Variants in SLC36A1 observed in about 807,000 individuals in gnomAD.
SLC36A1 encodes solute carrier family 36 member 1.
SLC36A1 carries 30 observed loss-of-function variants against 47.5 expected under a neutral mutation model. That is an observed-to-expected ratio of 0.63 (90% CI 0.47 to 0.86). The LOEUF (loss-of-function observed/expected upper bound fraction) is 0.86, where lower values mean the gene tolerates loss of function less well. Among genes scored for constraint, SLC36A1 ranks in the 40% least tolerant of loss-of-function variants. SLC36A1 has a pLI of 0.00. For missense variants in SLC36A1, 517 were observed against 606.0 expected, an observed-to-expected ratio of 0.85 and a Z score of 1.54; for synonymous variants, 255 against 249.7, an observed-to-expected ratio of 1.02 and a Z score of -0.20.
At chr5:151,522,058 G>A in the SLC36A1 span, 11 of 1,598,006 alleles carry the variant, frequency 6.9e-6, no homozygotes, top group South Asian at 1.1e-5. Flanking sequence ...CGTCAAAGAC[G>A]AGAGGGGAGG....
At chr5:151,511,950 C>G in the SLC36A1 span, 9 of 578,218 alleles carry the variant, frequency 1.6e-5, no homozygotes, top group African/African-American at 7.5e-5. Context: ...CTCATCCCCC[C>G]AGAAGTAGAA....
intron 9 of SLC36A1, among the ~76,000 whole-genome samples, chr5:151,478,149 TC>T (rs1484418591): frequency 2.0e-5 from 3 of 152,192 alleles, no homozygotes; most frequent in Non-Finnish European, 4.4e-5. Context: ...CATAAGAACA[TC>T]TTCTAGATTT....
intron 10 of SLC36A1, among the ~76,000 whole-genome samples, chr5:151,486,645 A>T (rs1759595427): frequency 6.6e-6 from 1 of 152,302 alleles, no homozygotes; most frequent in Admixed American, 6.5e-5. Context: ...ACTTGACTGC[A>T]TTTTCGCTTT....
chr5:151,522,265 G>T, the SLC36A1 span: 1 of 560,898 alleles, frequency 1.8e-6, no homozygotes, highest in East Asian at 2.8e-5. Flanking sequence ...TGACAGAAAA[G>T]AAAGATTTTC....
the SLC36A1 span, among the ~76,000 whole-genome samples, chr5:151,355,148 A>G: frequency 6.6e-6 from 1 of 152,206 alleles, no homozygotes; most frequent in Non-Finnish European, 1.5e-5. Context: ...TTTATTATCC[A>G]TGCAAGCAAG....
At chr5:151,473,173 TCTA>T (rs1757553198) in intron 7 of SLC36A1, among the ~76,000 whole-genome samples, 1 of 136,666 alleles carries the variant, frequency 7.3e-6, no homozygotes, top group Non-Finnish European at 1.6e-5. Flanking sequence ...AGACTCTGTC[TCTA>T]GATAGATAGA....
At chr5:151,365,708 C>T in the SLC36A1 span, among the ~76,000 whole-genome samples, 1 of 152,204 alleles carries the variant, frequency 6.6e-6, no homozygotes, top group African/African-American at 2.4e-5. Context: ...TCTGACTCCA[C>T]CCCTTACTAA....
chr5:151,453,035 C>G (rs1358000615), intron 1 of SLC36A1, among the ~76,000 whole-genome samples: 1 of 151,552 alleles, frequency 6.6e-6, no homozygotes, highest in Non-Finnish European at 1.5e-5. Context: ...AACCCCGTCT[C>G]TACTAAAAAT....
the SLC36A1 span, among the ~76,000 whole-genome samples, chr5:151,367,361 ATTT>A: frequency 9.3e-5 from 11 of 118,860 alleles, no homozygotes; most frequent in East Asian, 7.4e-4. Context: ...CCAGGAATGC[ATTT>A]TTTTTTTTTT....
At chr5:151,361,555 A>G in the SLC36A1 span, among the ~76,000 whole-genome samples, 1 of 152,086 alleles carries the variant, frequency 6.6e-6, no homozygotes, top group African/African-American at 2.4e-5. Flanking sequence ...AACAGACAAA[A>G]CCTTCTGCTT....
the SLC36A1 span, chr5:151,511,868 T>A: frequency 9.8e-6 from 4 of 410,188 alleles, no homozygotes; most frequent in South Asian, 1.5e-4. Context: ...AGACTGTGCA[T>A]AGACCAGTGA....
chr5:151,529,850 A>C, the SLC36A1 span, among the ~76,000 whole-genome samples: 3 of 152,218 alleles, frequency 2.0e-5, no homozygotes, highest in Non-Finnish European at 4.4e-5. Context: ...AGTTGCCCAC[A>C]AATTGTTAGG....
chr5:151,394,042 A>G, the SLC36A1 span, among the ~76,000 whole-genome samples: 3 of 152,224 alleles, frequency 2.0e-5, no homozygotes, highest in Non-Finnish European at 4.4e-5. Flanking sequence ...AGGTACGCCA[A>G]TCAGACGTAG....
At chr5:151,415,176 T>G in the SLC36A1 span, among the ~76,000 whole-genome samples, 5 of 152,102 alleles carry the variant, frequency 3.3e-5, no homozygotes, top group African/African-American at 1.2e-4. Flanking sequence ...ATGCAAAAAA[T>G]CAACTTCCAC....
At chr5:151,441,608 T>C (rs1233399978) in intron 1 of SLC36A1, among the ~76,000 whole-genome samples, 1 of 152,186 alleles carries the variant, frequency 6.6e-6, no homozygotes, top group Non-Finnish European at 1.5e-5. Context: ...TTGTATAATA[T>C]AGGGTTTGGA....
the SLC36A1 span, among the ~76,000 whole-genome samples, chr5:151,500,265 C>T: frequency 2.6e-5 from 4 of 152,158 alleles, no homozygotes; most frequent in African/African-American, 7.2e-5. Context: ...CTGTGACTTA[C>T]CTTATTTAAG....
the SLC36A1 span, among the ~76,000 whole-genome samples, chr5:151,427,000 A>G: frequency 6.6e-6 from 1 of 152,198 alleles, no homozygotes; most frequent in Non-Finnish European, 1.5e-5. Flanking sequence ...CTGCGAGCAC[A>G]GGGTTGGGGC....
chr5:151,386,966 A>C, the SLC36A1 span: 237 of 152,394 alleles, frequency 1.6e-3, 1 homozygote, highest in African/African-American at 5.3e-3. Flanking sequence ...GGAATGTTGC[A>C]CTTGCTCTAG....
the SLC36A1 span, among the ~76,000 whole-genome samples, chr5:151,345,495 T>G: frequency 6.6e-6 from 1 of 152,120 alleles, no homozygotes; most frequent in Non-Finnish European, 1.5e-5. Context: ...CTGTAAACCC[T>G]CTAGCTTCCT....
Sources: gnomAD v4.1 joint callset for allele counts (sites outside exome capture counted in the v4.1 genomes callset) on GRCh38, gnomAD v4.1.1 for gene constraint, MANE v1.5 for transcripts, NCBI Gene and HGNC (gene_info 2026-07-23, HGNC 2026-07-21) for gene names.